The following SBDS variants were observed in gnomAD, a reference collection of about 807,000 sequenced individuals.
The protein encoded by SBDS is ribosome maturation protein SBDS.
Under a neutral mutation model 26.4 loss-of-function variants are expected in SBDS, and 20 were observed. The observed-to-expected ratio is 0.76, with a 90% CI of 0.53 to 1.10. The LOEUF (loss-of-function observed/expected upper bound fraction) is 1.10. Ranked by LOEUF, SBDS falls within the 50% of genes least tolerant of loss-of-function variation. The pLI is 0.00. For synonymous variants in SBDS, 95 were observed against 105.1 expected (o/e 0.90, Z 0.59); for missense variants, 241 against 302.0 (o/e 0.80, Z 1.50).
At chr7:66,995,261 G>A in intron 1 of SBDS, 29 bp downstream of exon 1, 13 of 1,613,084 alleles carry the variant, frequency 8.1e-6, no homozygotes, top group East Asian at 2.2e-5. Context: ...TCAGGCCCAG[G>A]CCCAGGCCCG....
intron 3 of SBDS, 110 bp downstream of exon 3, chr7:66,993,107 G>T: frequency 9.8e-7 from 1 of 1,020,090 alleles, no homozygotes; most frequent in Non-Finnish European, 1.5e-6. Context: ...AAAGTGCTAG[G>T]ATTACAGGCA....
chr7:66,994,494 C>T, intron 1 of SBDS, 153 bp from the exon 2 acceptor site: 4 of 705,962 alleles, frequency 5.7e-6, no homozygotes, highest in Non-Finnish European at 7.4e-6. Flanking sequence ...CTTTTTCTTA[C>T]CCCCCAACCC....
At position 66,995,476 on chromosome 7, in the gene SBDS, T is replaced by G. The variant is rs930258806; in HGVS notation, c.-59A>C. On this transcript the variant is annotated 5_prime_UTR_variant, in exon 1 of 5. Coordinates refer to ENST00000246868, the MANE Select transcript of SBDS (RefSeq NM_016038.4). ...CAGGGCTGACCCGCGCCGTCCAGCCTGAAGGCCACCAGCGCCTCGCGGTAA... is the reference window on the plus strand; with the variant it reads ...CAGGGCTGACCCGCGCCGTCCAGCCGGAAGGCCACCAGCGCCTCGCGGTAA... 5.0e-6 allele frequency: 8 copies of G among 1,610,316 alleles called. No individual in the cohort carries two copies. In the Admixed American group the frequency reaches 8.3e-5, roughly 17 times the overall value.
In SBDS at chr7:66,993,280, A is replaced by G; in HGVS notation, c.396T>C (p.Leu132=). Residue 132 remains leucine, a synonymous_variant, in exon 3 of 5, where the codon CTT becomes CTC. Transcript: ENST00000246868. ...PETKRPYTVI[L]IERAMKDIHY... ...GGATGTCCTTCATGGCTCTCTCAAT[A>G]AGGATCACGGTGTATGGTCTCTTTG... 1 of 1,614,152 alleles carries G rather than the reference A, an allele frequency of 6.2e-7. No individual in the cohort carries two copies. Among genetic ancestry groups the G allele is most frequent in the Non-Finnish European group, 8.5e-7 (1 of 1,180,026 alleles).
chr7:66,991,012 A>G (rs1196016376), intron 4 of SBDS, 125 bp downstream of exon 4: 13 of 893,890 alleles, frequency 1.5e-5, no homozygotes, highest in Non-Finnish European at 2.0e-5. Flanking sequence ...GCGAGACTCC[A>G]TCTCAAAAAA....
Position 66,991,131 on chromosome 7 carries a change from T to C in SBDS, c.624+6A>G. Reference sequence around the variant, plus strand: ...ACATGAAGCAAAGAAAATATTTGACTCTTACGATTTCTAACTGTTGGCCAT... The same window carrying C: ...ACATGAAGCAAAGAAAATATTTGACCCTTACGATTTCTAACTGTTGGCCAT... On this transcript the variant is annotated splice_donor_region_variant and intron_variant, in intron 4 of 4. Transcript: ENST00000246868. The C allele has an allele frequency of 1.2e-6, 2 of 1,610,098 alleles. No homozygotes were observed. The highest frequency in any genetic ancestry group is 1.7e-6 in the Non-Finnish European group (2 of 1,178,056).
rs764926637 is a variant in SBDS, at chr7:66,988,329, G to A, written c.*42C>T. 2.1e-5 allele frequency: 33 copies of A among 1,603,560 alleles called. No individual in the cohort carries two copies. The Middle Eastern group carries it at 4.9e-4, about 24-fold the overall frequency. On this transcript the variant is annotated 3_prime_UTR_variant, in exon 5 of 5. Coordinates refer to ENST00000246868, the MANE Select transcript of SBDS (RefSeq NM_016038.4). The stretch of plus-strand genomic sequence containing the variant: ...GACATGAAACAGTGCCGTCGGAAAC[G>A]GAAACACTTTAGTGTTTTAGAGGTG...
Position 66,993,400 on chromosome 7 carries a change from T to G in SBDS, c.276A>C (p.Glu92Asp). The change falls in exon 3 of 5, where the codon GAA becomes GAC. Residue 92 changes from glutamate to aspartate, a missense_variant. Coordinates refer to ENST00000246868, the MANE Select transcript of SBDS (RefSeq NM_016038.4). ...EICKQILTKG[E>D]VQVSDKERHT... ...GTCTTTCTTTATCTGATACTTGAACTTCTCCTTTAGTCAAAATCTAAAAAA... is the reference window on the plus strand; with the variant it reads ...GTCTTTCTTTATCTGATACTTGAACGTCTCCTTTAGTCAAAATCTAAAAAA... 1 of 1,613,960 alleles carries G rather than the reference T, an allele frequency of 6.2e-7. No homozygotes were observed. The highest frequency in any genetic ancestry group is 1.1e-5 in the South Asian group (1 of 91,082).
intron 4 of SBDS, among the ~76,000 whole-genome samples, chr7:66,989,375 G>A (rs1457576497): frequency 4.0e-5 from 6 of 151,618 alleles, no homozygotes; most frequent in Non-Finnish European, 8.8e-5. Flanking sequence ...GAGAGACCCC[G>A]TCTCTACTAA....
At chr7:66,994,431 A>G (rs1382428215) in intron 1 of SBDS, 90 bp from the exon 2 acceptor site, 1 of 1,147,560 alleles carries the variant, frequency 8.7e-7, no homozygotes, top group Non-Finnish European at 1.3e-6. Context: ...AACAACATGA[A>G]CGGCAAGACA....
intron 1 of SBDS, among the ~76,000 whole-genome samples, chr7:66,994,543 G>A (rs1473430569): frequency 3.3e-5 from 5 of 150,896 alleles, no homozygotes; most frequent in South Asian, 2.1e-4. Context: ...TGCCCAGGCT[G>A]GAGTGCAATG....
At chr7:66,994,175 G>C in intron 2 of SBDS, 37 bp downstream of exon 2, 1 of 1,609,186 alleles carries the variant, frequency 6.2e-7, no homozygotes, top group Non-Finnish European at 8.5e-7. Flanking sequence ...CGTTATAAAT[G>C]GTTATTAGGG....
At chr7:66,992,882 C>T (rs1793004003) in intron 3 of SBDS, among the ~76,000 whole-genome samples, 1 of 151,786 alleles carries the variant, frequency 6.6e-6, no homozygotes, top group South Asian at 2.1e-4. Context: ...TGGCACGTGC[C>T]TATAATCCCA....
chr7:66,988,482 C>A lies in SBDS; in HGVS notation c.642G>T (p.Pro214=), dbSNP rs780669619. Residue 214 remains proline, a synonymous_variant, in exon 5 of 5, where the codon CCG becomes CCT. Transcript: ENST00000246868. ...GCTCATCAATTTCTCGGAAGCAGCC[C>A]GGGTCAATCAGACATACCTGAAACA... The part of the protein sequence containing the change: ...QQLEIVCLID[P]GCFREIDELI... 1 of 1,613,664 alleles carries A rather than the reference C, an allele frequency of 6.2e-7. No homozygotes were observed.
chr7:66,989,457 A>G (rs1330652418), intron 4 of SBDS, among the ~76,000 whole-genome samples: 15 of 151,986 alleles, frequency 9.9e-5, no homozygotes, highest in Non-Finnish European at 2.1e-4. Context: ...AGGCAGGAGA[A>G]TCGCTTGAAC....
chr7:66,994,899 G>C (rs1164037084), intron 1 of SBDS, among the ~76,000 whole-genome samples: 4 of 152,202 alleles, frequency 2.6e-5, no homozygotes, highest in Admixed American at 2.6e-4. Context: ...CAGCAGTGAA[G>C]ACACTACGCA....
At chr7:66,990,861 C>T (rs564436691) in intron 4 of SBDS, among the ~76,000 whole-genome samples, 7 of 151,750 alleles carry the variant, frequency 4.6e-5, no homozygotes, top group South Asian at 2.1e-4. Flanking sequence ...CTAAAAAATA[C>T]GAAAAATTAG....
intron 3 of SBDS, among the ~76,000 whole-genome samples, chr7:66,993,003 T>C (rs1793007530): frequency 6.8e-6 from 1 of 146,502 alleles, no homozygotes; most frequent in African/African-American, 2.5e-5. Flanking sequence ...TAAGACTCTG[T>C]CTCAAAAAAA....
intron 3 of SBDS, among the ~76,000 whole-genome samples, chr7:66,991,612 G>C (rs1792975979): frequency 6.6e-6 from 1 of 152,048 alleles, no homozygotes; most frequent in Non-Finnish European, 1.5e-5. Flanking sequence ...CCAACATGGT[G>C]AAACCCCGTC....
Sources: gnomAD v4.1 joint callset for allele counts (sites outside exome capture counted in the v4.1 genomes callset) on GRCh38, gnomAD v4.1.1 for gene constraint, MANE v1.5 for transcripts, NCBI Gene and HGNC (gene_info 2026-07-23, HGNC 2026-07-21) for gene names.